WWOX: variants seen among roughly 807,000 people sequenced by gnomAD.
WWOX encodes WW domain-containing oxidoreductase.
Under a neutral mutation model 46.2 loss-of-function variants are expected in WWOX, and 69 were observed. The observed-to-expected ratio is 1.49, with a 90% CI of 1.23 to 1.82. The LOEUF (loss-of-function observed/expected upper bound fraction) is 1.82. Among genes scored for constraint, WWOX ranks in the 40% most tolerant of loss-of-function variants. WWOX has a pLI of 0.00. For missense variants in WWOX, 919 were observed against 542.6 expected (o/e 1.69, Z -6.89); for synonymous variants, 359 against 202.6 (o/e 1.77, Z -6.56).
chr16:78,876,999 G>T (rs546053313), intron 8 of WWOX, among the ~76,000 whole-genome samples: 1 of 152,056 alleles, frequency 6.6e-6, no homozygotes, highest in Non-Finnish European at 1.5e-5. Context: ...AAGTTAACTG[G>T]TTCCTATTTC....
chr16:78,801,385 T>C (rs751362985), intron 8 of WWOX, among the ~76,000 whole-genome samples: 8 of 152,116 alleles, frequency 5.3e-5, no homozygotes, highest in Non-Finnish European at 1.5e-5. Context: ...TGGCATGTGC[T>C]ATAATCCCAG....
chr16:79,197,105 T>G (rs955919778), intron 8 of WWOX, among the ~76,000 whole-genome samples: 2 of 152,072 alleles, frequency 1.3e-5, no homozygotes, highest in Non-Finnish European at 2.9e-5. Flanking sequence ...GGAGTCAACT[T>G]TTAGGTTATA....
At chr16:79,163,649 T>G (rs978460897) in intron 8 of WWOX, among the ~76,000 whole-genome samples, 1 of 151,940 alleles carries the variant, frequency 6.6e-6, no homozygotes, top group Non-Finnish European at 1.5e-5. Flanking sequence ...ACATACAAAA[T>G]TAGCCTGGCA....
chr16:79,017,602 C>G (rs1166520762), intron 8 of WWOX, among the ~76,000 whole-genome samples: 1 of 152,016 alleles, frequency 6.6e-6, no homozygotes, highest in Non-Finnish European at 1.5e-5. Context: ...GCAAAAACAG[C>G]CATGGACAAT....
rs149072981 is a variant in WWOX at position 78,320,398 on chromosome 16, C to T, written c.517-66462C>T. Among the ~76,000 whole-genome samples, 52 of 152,298 alleles carry T rather than the reference C, an allele frequency of 3.4e-4. No homozygotes were observed. The East Asian group carries it at 3.9e-3, about 11-fold the overall frequency. On this transcript the variant is annotated intron_variant, in intron 5 of 8. Coordinates refer to ENST00000566780, the MANE Select transcript of WWOX (RefSeq NM_016373.4). The stretch of plus-strand genomic sequence containing the variant: ...TAGACTTCTGTGAACTCCAAGTAGA[C>T]GGTTGAACATGACTGAACTTGCACA...
chr16:79,189,774 A>G (rs494736), intron 8 of WWOX, among the ~76,000 whole-genome samples: 79,037 of 151,300 alleles, frequency 0.52, 21,409 homozygotes, highest in East Asian at 0.91. Context: ...TTGCGAATAC[A>G]CAGTTGTTAC....
rs143612325 is a variant in WWOX, at chr16:78,615,459, G to T, written c.1056+182707G>T. ...AAGCCCAGAATTCAAGACCAGGCTG[G>T]GCAGCATAGCACGACCCATCTCTAC... On this transcript the variant is annotated intron_variant, in intron 8 of 8. Coordinates refer to ENST00000566780, the MANE Select transcript of WWOX (RefSeq NM_016373.4). Among the ~76,000 whole-genome samples the T allele has an allele frequency of 2.7e-3, 418 of 152,046 alleles. 1 individual carries two copies. The highest frequency in any genetic ancestry group is 9.3e-3 in the African/African-American group (384 of 41,468).
intron 4 of WWOX, among the ~76,000 whole-genome samples, chr16:78,160,614 C>T (rs1366677138): frequency 6.6e-6 from 1 of 152,040 alleles, no homozygotes; most frequent in Non-Finnish European, 1.5e-5. Context: ...TTTCTGGGAT[C>T]TTGTTATTGA....
At position 78,976,244 on chromosome 16, in the gene WWOX, C is replaced by T. The variant is rs557269413; in HGVS notation, c.1057-235364C>T. Among the ~76,000 whole-genome samples the T allele has an allele frequency of 5.1e-4, 78 of 152,326 alleles. 1 individual carries two copies. Among genetic ancestry groups the T allele is most frequent in the Non-Finnish European group, 9.0e-4 (61 of 68,020 alleles). ...TTTTTTCCTTGCAAATCTCCCTGCACACTTTAATCTTACCAGCATCTTGTG... is the reference window on the plus strand; with the variant it reads ...TTTTTTCCTTGCAAATCTCCCTGCATACTTTAATCTTACCAGCATCTTGTG... On this transcript the variant is annotated intron_variant, in intron 8 of 8. Coordinates refer to ENST00000566780, the MANE Select transcript of WWOX (RefSeq NM_016373.4).
chr16:78,100,222 G>C, intron 1 of WWOX: 1 of 1,158,282 alleles, frequency 8.6e-7, no homozygotes, highest in African/African-American at 1.7e-5. Flanking sequence ...CCTCCTGCAG[G>C]CTCTGGGTTG....
chr16:78,654,637 TTCTCTC>T (rs142991695), intron 8 of WWOX, among the ~76,000 whole-genome samples: 2 of 149,020 alleles, frequency 1.3e-5, no homozygotes, highest in African/African-American at 4.9e-5. Flanking sequence ...ATCTATACCT[TTCTCTC>T]TCTCTCTCTC....
chr16:79,201,448 C>A (rs936309643), intron 8 of WWOX, among the ~76,000 whole-genome samples: 1 of 151,328 alleles, frequency 6.6e-6, no homozygotes, highest in African/African-American at 2.4e-5. Context: ...TGAGCTGGCT[C>A]GGTTTTCTAA....
At chr16:78,964,710 C>G (rs544327329) in intron 8 of WWOX, among the ~76,000 whole-genome samples, 32 of 152,210 alleles carry the variant, frequency 2.1e-4, no homozygotes, top group Non-Finnish European at 1.8e-4. Flanking sequence ...AGGAAAATGT[C>G]TCCAGGCCAT....
intron 5 of WWOX, among the ~76,000 whole-genome samples, chr16:78,209,499 C>T (rs1032695069): frequency 2.0e-5 from 3 of 152,174 alleles, no homozygotes; most frequent in African/African-American, 7.2e-5. Context: ...CAAAGTGAAA[C>T]GTCTTCCTCC....
intron 5 of WWOX, among the ~76,000 whole-genome samples, chr16:78,383,632 G>C (rs1038507471): frequency 4.6e-5 from 7 of 152,142 alleles, no homozygotes; most frequent in Non-Finnish European, 8.8e-5. Context: ...AAGTTTGTTA[G>C]ACAATTAGAA....
In WWOX at chr16:79,008,456, C is replaced by A. The variant is rs192576916; in HGVS notation, c.1057-203152C>A. Among the ~76,000 whole-genome samples, 9 of 152,224 alleles carry A rather than the reference C, an allele frequency of 5.9e-5. No individual in the cohort carries two copies. The East Asian group carries it at 1.4e-3, about 23-fold the overall frequency. On this transcript the variant is annotated intron_variant, in intron 8 of 8. Transcript: ENST00000566780. ...TGGTAGCCTAACTCACTCAGGGGGG[C>A]AAATTATCCCATCATATTCACAGTT... is the stretch of plus-strand genomic sequence containing the variant.
chr16:78,972,499 G>A (rs1197198126), intron 8 of WWOX, among the ~76,000 whole-genome samples: 1 of 151,486 alleles, frequency 6.6e-6, no homozygotes, highest in East Asian at 1.9e-4. Context: ...AGAACCTGAA[G>A]CCGCCAAGAG....
At chr16:78,857,516 G>C (rs139540743) in intron 8 of WWOX, among the ~76,000 whole-genome samples, 1 of 152,074 alleles carries the variant, frequency 6.6e-6, no homozygotes, top group South Asian at 2.1e-4. Flanking sequence ...ACTTTAATGC[G>C]ATTAAGACTT....
At chr16:79,031,829 T>TA (rs1435619197) in intron 8 of WWOX, among the ~76,000 whole-genome samples, 2 of 110,322 alleles carry the variant, frequency 1.8e-5, no homozygotes, top group South Asian at 2.7e-4. Context: ...AATCTATATA[T>TA]GATATATATA....
Sources: gnomAD v4.1 joint callset for allele counts (sites outside exome capture counted in the v4.1 genomes callset) on GRCh38, gnomAD v4.1.1 for gene constraint, MANE v1.5 for transcripts, NCBI Gene and HGNC (gene_info 2026-07-23, HGNC 2026-07-21) for gene names.